Variants in FNDC1 observed in about 807,000 individuals in gnomAD.
FNDC1 encodes fibronectin type III domain-containing protein 1.
FNDC1 carries 96 observed loss-of-function variants against 168.0 expected under a neutral mutation model. That is an observed-to-expected ratio of 0.57 (90% confidence interval 0.48 to 0.68). FNDC1 has a LOEUF of 0.68. Ranked by LOEUF, FNDC1 falls within the 30% of genes least tolerant of loss-of-function variation. FNDC1 has a pLI of 0.00. For synonymous variants in FNDC1, 1,099 were observed against 1,025.9 expected (o/e 1.07, Z -1.36); for missense variants, 2,587 against 2,482.1 (o/e 1.04, Z -0.90).
At position 159,222,461 on chromosome 6, in the gene FNDC1, A is replaced by G. The variant is rs548964796; in HGVS notation, c.766+765A>G. On this transcript the variant is annotated intron_variant, in intron 6 of 22. Transcript: ENST00000297267. ...TTCACCTTCCCCTGCTGGTGGTAAA[A>G]TCCACATCCTTTTGAAACACGGTCC... Among the ~76,000 whole-genome samples the G allele has an allele frequency of 2.6e-4, 39 of 152,310 alleles. 1 individual carries two copies. The East Asian group carries it at 6.7e-3, about 26-fold the overall frequency.
Position 159,233,670 on chromosome 6 carries a change from C to T in FNDC1, c.3158C>T (p.Ser1053Leu). ...TCGCAGGGCCGCTCCCACTCCTCCT[C>T]GGACCCTTACACGGCGAGCTCCAGA... ...PTSQGRSHSS[S>L]DPYTASSRGM... The change falls in exon 11 of 23, where the codon TCG (serine) becomes TTG (leucine). Residue 1053 changes from serine to leucine, a missense_variant. Physicochemically the swap from Ser to Leu is moderately radical, Grantham distance 145. Coordinates refer to ENST00000297267, the MANE Select transcript of FNDC1 (RefSeq NM_032532.3). The surrounding 1 kb of genome is among the most constrained non-coding windows in gnomAD (Gnocchi z 4.6). The T allele has an allele frequency of 6.5e-7, 1 of 1,550,324 alleles. No individual in the cohort carries two copies. Among genetic ancestry groups the T allele is most frequent in the Non-Finnish European group, 8.7e-7 (1 of 1,148,082 alleles).
intron 5 of FNDC1, among the ~76,000 whole-genome samples, chr6:159,219,162 T>TTC (rs1782768096): frequency 6.6e-6 from 1 of 151,792 alleles, no homozygotes; most frequent in African/African-American, 2.4e-5. Context: ...TGCCTCACCC[T>TTC]CCCAAGTAGT....
chr6:159,193,758 C>T (rs1420164700), intron 1 of FNDC1, among the ~76,000 whole-genome samples: 2 of 152,198 alleles, frequency 1.3e-5, no homozygotes, highest in African/African-American at 4.8e-5. Flanking sequence ...ACCCTTGAAC[C>T]AAACTGGCCT....
chr6:159,242,974 C>T (rs762271038), intron 14 of FNDC1, among the ~76,000 whole-genome samples: 32 of 152,082 alleles, frequency 2.1e-4, no homozygotes, highest in Non-Finnish European at 3.4e-4. Context: ...GTGAATAATG[C>T]TGCCTTGAAC....
At position 159,170,745 on chromosome 6, in the gene FNDC1, A is replaced by G. The variant is rs115627593; in HGVS notation, c.109+1040A>G. Among the ~76,000 whole-genome samples the G allele has an allele frequency of 3.4e-3, 513 of 152,274 alleles. 4 individuals are homozygous for G. Among genetic ancestry groups the G allele is most frequent in the African/African-American group, 0.012 (481 of 41,564 alleles). Reference sequence around the variant, plus strand: ...GACTTTTTGGTAGATACATCATCCCAATGCTTGGCTCAGGTTTATGCGAGG... The same window carrying G: ...GACTTTTTGGTAGATACATCATCCCGATGCTTGGCTCAGGTTTATGCGAGG... On this transcript the variant is annotated intron_variant, in intron 1 of 22. Coordinates refer to ENST00000297267, the MANE Select transcript of FNDC1 (RefSeq NM_032532.3).
rs1783143437 is a variant in FNDC1 at position 159,233,214 on chromosome 6, C to T, written c.2702C>T (p.Pro901Leu). The change falls in exon 11 of 23, where the codon CCC becomes CTC. Residue 901 changes from proline (P) to leucine (L), a missense_variant. Pro to Leu is a moderately conservative substitution (Grantham distance 98). Coordinates refer to ENST00000297267, the MANE Select transcript of FNDC1 (RefSeq NM_032532.3). This position sits in a 1 kb window ranked among gnomAD's most constrained non-coding sequence, Gnocchi z 4.6. Reference sequence around the variant, plus strand: ...CACGTGCCTTCCTCCTCCAGGCAGCCCATCTCCCGGGGCTGGGAGGACTTA... The same window carrying T: ...CACGTGCCTTCCTCCTCCAGGCAGCTCATCTCCCGGGGCTGGGAGGACTTA... Reference protein sequence around the residue: ...NDHVPSSSRQPISRGWEDLRR... With the variant: ...NDHVPSSSRQLISRGWEDLRR... The T allele has an allele frequency of 1.2e-6, 2 of 1,613,512 alleles. No individual in the cohort carries two copies. The highest frequency in any genetic ancestry group is 1.7e-6 in the Non-Finnish European group (2 of 1,179,738).
intron 22 of FNDC1, among the ~76,000 whole-genome samples, chr6:159,268,629 C>G (rs1361226029): frequency 6.6e-6 from 1 of 152,004 alleles, no homozygotes; most frequent in African/African-American, 2.4e-5. Context: ...TACTCAACTA[C>G]CTATCTATCC....
rs755328331 is a variant in FNDC1 at position 159,232,309 on chromosome 6, G to A, written c.1797G>A (p.Lys599=). The A allele has an allele frequency of 3.7e-6, 6 of 1,612,870 alleles. No individual in the cohort carries two copies. The highest frequency in any genetic ancestry group is 3.4e-6 in the Non-Finnish European group (4 of 1,179,468). ...TGCCCCGAAGGGAAGGCGTAGATAA[G>A]CCTGGCTTTTCCCTGGCCACGCAGC... ...PALPRREGVD[K]PGFSLATQPR... is the part of the protein sequence containing the mutation. The change falls in exon 11 of 23, where the codon AAG becomes AAA. Residue 599 remains lysine, a synonymous_variant. Transcript: ENST00000297267. The surrounding 1 kb of genome is among the most constrained non-coding windows in gnomAD (Gnocchi z 4.9).
At chr6:159,196,549 T>C (rs545470796) in intron 1 of FNDC1, among the ~76,000 whole-genome samples, 1 of 152,362 alleles carries the variant, frequency 6.6e-6, no homozygotes, top group East Asian at 1.9e-4. Flanking sequence ...TTAAAGTTAC[T>C]GTTTAAAGGT....
At chr6:159,212,188 T>A (rs1782619436) in intron 4 of FNDC1, among the ~76,000 whole-genome samples, 1 of 152,232 alleles carries the variant, frequency 6.6e-6, no homozygotes, top group Non-Finnish European at 1.5e-5. Flanking sequence ...ATTCACCTGA[T>A]TACGTTGTAC....
chr6:159,266,591 TAAA>T (rs1421416532), intron 21 of FNDC1, among the ~76,000 whole-genome samples: 2 of 149,612 alleles, frequency 1.3e-5, no homozygotes, highest in East Asian at 3.9e-4. Context: ...TAAAAAGAAA[TAAA>T]AAATGAACAA....
chr6:159,189,921 G>A (rs545508602), intron 1 of FNDC1, among the ~76,000 whole-genome samples: 4 of 152,296 alleles, frequency 2.6e-5, no homozygotes, highest in Admixed American at 2.0e-4. Flanking sequence ...CTTCTGGATA[G>A]CATAAACTGG....
chr6:159,220,725 A>C (rs1382575207), intron 5 of FNDC1, among the ~76,000 whole-genome samples: 1 of 152,232 alleles, frequency 6.6e-6, no homozygotes, highest in African/African-American at 2.4e-5. Flanking sequence ...CCCCTGGTAT[A>C]CACTGGATTG....
chr6:159,270,492 G>T (rs980599352), intron 22 of FNDC1, among the ~76,000 whole-genome samples: 2 of 152,094 alleles, frequency 1.3e-5, no homozygotes, highest in Non-Finnish European at 2.9e-5. Context: ...CATATTCCAT[G>T]GTGTCCCTGT....
In FNDC1 at chr6:159,234,045, A is replaced by T. The variant is rs368195415; in HGVS notation, c.3533A>T (p.Glu1178Val). ...SSKSQQSVSA[E>V]DDEEEDAGFF... Reference sequence around the variant, plus strand: ...AAGTCCCAGCAGTCGGTCTCAGCCGAGGACGACGAGGAGGAGGACGCGGGA... The same window carrying T: ...AAGTCCCAGCAGTCGGTCTCAGCCGTGGACGACGAGGAGGAGGACGCGGGA... Residue 1178 changes from glutamate to valine, a missense_variant, in exon 11 of 23, where the codon GAG (glutamate) becomes GTG (valine). By Grantham distance (121) the Glu-to-Val change is moderately radical. Transcript: ENST00000297267. 4.4e-5 allele frequency: 71 copies of T among 1,612,234 alleles called. No individual in the cohort carries two copies. Among genetic ancestry groups the T allele is most frequent in the Admixed American group, 6.7e-5 (4 of 59,908 alleles).
chr6:159,248,853 G>T (rs1777192871), intron 15 of FNDC1, among the ~76,000 whole-genome samples, 186 bp from the exon 16 acceptor site: 1 of 152,160 alleles, frequency 6.6e-6, no homozygotes, highest in South Asian at 2.1e-4. Flanking sequence ...GAAATGGGAA[G>T]AAATAGTATT....
chr6:159,254,166 T>G (rs1238537002), intron 17 of FNDC1, among the ~76,000 whole-genome samples: 1 of 152,188 alleles, frequency 6.6e-6, no homozygotes, highest in Non-Finnish European at 1.5e-5. Flanking sequence ...ACCTCTTAGG[T>G]GCATTCGATG....
chr6:159,208,178 TGGGCTG>T (rs1030387079), intron 4 of FNDC1, among the ~76,000 whole-genome samples: 1 of 152,146 alleles, frequency 6.6e-6, no homozygotes, highest in Non-Finnish European at 1.5e-5. Context: ...TGGTGGGGAT[TGGGCTG>T]GGGATGGGGA....
At chr6:159,256,655 A>T (rs1194990505) in intron 18 of FNDC1, 24 bp downstream of exon 18, 1 of 1,530,294 alleles carries the variant, frequency 6.5e-7, no homozygotes, top group Non-Finnish European at 9.0e-7. Context: ...GTCATTTAGA[A>T]AAGATGAGAT....
Sources: allele counts gnomAD v4.1 joint callset (sites outside exome capture counted in the v4.1 genomes callset), GRCh38; gene constraint gnomAD v4.1.1; non-coding constraint Gnocchi (gnomAD v3.1); transcripts MANE v1.5; gene names NCBI Gene and HGNC (gene_info 2026-07-23, HGNC 2026-07-21).